GABBR2: variants seen among roughly 807,000 people sequenced by gnomAD.
GABBR2 encodes the protein gamma-aminobutyric acid type B receptor subunit 2, also known as G-protein coupled receptor 51.
GABBR2 carries 23 observed loss-of-function variants against 105.6 expected under a neutral mutation model. The ratio of observed to expected loss-of-function variants is 0.22; its 90% CI spans 0.16 to 0.31. The LOEUF (loss-of-function observed/expected upper bound fraction) is 0.31, where lower values mean the gene tolerates loss of function less well. Among genes scored for constraint, GABBR2 ranks in the 10% least tolerant of loss-of-function variants. GABBR2 has a pLI of 1.00. For synonymous variants in GABBR2, 478 were observed against 499.7 expected (o/e 0.96, Z 0.58); for missense variants, 734 against 1,245.5 (o/e 0.59, Z 6.18).
chr9:98,315,157 C>G (rs1359348991), intron 13 of GABBR2, among the ~76,000 whole-genome samples: 2 of 152,120 alleles, frequency 1.3e-5, no homozygotes, highest in Non-Finnish European at 2.9e-5. Flanking sequence ...ATCTTGAAAT[C>G]TGAATTCTTA....
chr9:98,708,193 C>T (rs1486772108), intron 1 of GABBR2, among the ~76,000 whole-genome samples: 3 of 149,536 alleles, frequency 2.0e-5, no homozygotes, highest in Non-Finnish European at 4.5e-5. Flanking sequence ...CACACACATA[C>T]ACACATAAGA....
chr9:98,438,999 G>C (rs1472014826), intron 7 of GABBR2, among the ~76,000 whole-genome samples: 1 of 152,002 alleles, frequency 6.6e-6, no homozygotes, highest in African/African-American at 2.4e-5. Flanking sequence ...AAAGCAATAA[G>C]GAGGTCACTG....
At chr9:98,686,596 A>G (rs1830623826) in intron 1 of GABBR2, among the ~76,000 whole-genome samples, 1 of 151,982 alleles carries the variant, frequency 6.6e-6, no homozygotes, top group South Asian at 2.1e-4. Flanking sequence ...GGGTTTCACC[A>G]TGTTGGCCAT....
At chr9:98,414,567 A>G (rs1832652848) in intron 7 of GABBR2, among the ~76,000 whole-genome samples, 1 of 152,202 alleles carries the variant, frequency 6.6e-6, no homozygotes, top group South Asian at 2.1e-4. Flanking sequence ...TAAGTCCTAT[A>G]GACTTAAGTA....
At chr9:98,464,544 C>T (rs1422854585) in intron 6 of GABBR2, among the ~76,000 whole-genome samples, 10 of 147,850 alleles carry the variant, frequency 6.8e-5, no homozygotes, top group East Asian at 2.1e-4. Flanking sequence ...CGCCTCTGCC[C>T]GGCCGCCCTG....
chr9:98,602,318 G>C (rs577738490), intron 1 of GABBR2, among the ~76,000 whole-genome samples: 3 of 151,648 alleles, frequency 2.0e-5, no homozygotes, highest in African/African-American at 7.3e-5. Context: ...CTAAAAATAC[G>C]AAAATCAGCT....
At position 98,605,003 on chromosome 9, in the gene GABBR2, GTCCC is replaced by G. The variant is rs1473795300; in HGVS notation, c.322-26935_322-26932del. Reference sequence around the variant, plus strand: ...AGGACCAAGAGCCAAGGCTGACGTGGTCCCTGCCCTCCTGGTCTCCCACCCACAT... The same window carrying G: ...AGGACCAAGAGCCAAGGCTGACGTGGTGCCCTCCTGGTCTCCCACCCACAT... On this transcript the variant is annotated intron_variant, in intron 1 of 18. Coordinates refer to ENST00000259455, the MANE Select transcript of GABBR2 (RefSeq NM_005458.8). 2.6e-5 allele frequency among the ~76,000 whole-genome samples: 4 copies of G among 152,168 alleles called. No homozygotes were observed. In the East Asian group the frequency reaches 7.7e-4, roughly 29 times the overall value.
chr9:98,308,205 T>C (rs10985811), intron 14 of GABBR2, among the ~76,000 whole-genome samples: 30,977 of 152,124 alleles, frequency 0.2, 3,556 homozygotes, highest in East Asian at 0.41. Flanking sequence ...GCCATGCTAC[T>C]GATGGGCCAC....
At chr9:98,639,143 C>T (rs1245004481) in intron 1 of GABBR2, among the ~76,000 whole-genome samples, 1 of 152,220 alleles carries the variant, frequency 6.6e-6, no homozygotes, top group Non-Finnish European at 1.5e-5. Flanking sequence ...TCCTTTCCTC[C>T]TTCCAGAAGA....
intron 13 of GABBR2, among the ~76,000 whole-genome samples, chr9:98,330,165 T>G (rs1162306505): frequency 6.6e-6 from 1 of 152,074 alleles, no homozygotes; most frequent in East Asian, 1.9e-4. Context: ...CCCAACCAAT[T>G]CTTGAACTCT....
intron 4 of GABBR2, among the ~76,000 whole-genome samples, chr9:98,486,416 G>T (rs16916419): frequency 0.028 from 4,206 of 152,284 alleles, 179 homozygotes; most frequent in African/African-American, 0.095. Flanking sequence ...GCATTTAAGA[G>T]TGCAGGACAG....
chr9:98,664,380 A>C (rs1830307010), intron 1 of GABBR2, among the ~76,000 whole-genome samples: 1 of 152,222 alleles, frequency 6.6e-6, no homozygotes, highest in Admixed American at 6.5e-5. Flanking sequence ...AAAGTCATCC[A>C]AGTAGCACCT....
At chr9:98,637,837 T>A (rs1358015440) in intron 1 of GABBR2, among the ~76,000 whole-genome samples, 1 of 152,184 alleles carries the variant, frequency 6.6e-6, no homozygotes, top group African/African-American at 2.4e-5. Context: ...GATAATAAAG[T>A]TGTGTTTGTT....
Position 98,473,261 on chromosome 9 carries a change from G to A in GABBR2, c.884C>T (p.Thr295Met), listed in dbSNP as rs200422079. The change falls in exon 6 of 19, where the codon ACG (threonine) becomes ATG (methionine). Residue 295 changes from threonine (T) to methionine (M), a missense_variant. By Grantham distance (81) the Thr-to-Met change is moderately conservative (BLOSUM62 -1). Around this residue, in one of 7 missense-constraint regions of GABBR2, gnomAD observed 370 missense variants for 648.9 expected, o/e 0.57. Coordinates refer to ENST00000259455, the MANE Select transcript of GABBR2 (RefSeq NM_005458.8). ...YEPSWWEQVH[T>M]EANSSRCLRK... ...GAGGCAGCGGGATGAGTTGGCTTCCGTGTGCACCTGCTCCCACCAAGAAGG... is the reference window on the plus strand; with the variant it reads ...GAGGCAGCGGGATGAGTTGGCTTCCATGTGCACCTGCTCCCACCAAGAAGG... 171 of 1,612,130 alleles carry A rather than the reference G, an allele frequency of 1.1e-4. No homozygotes were observed. The highest frequency in any genetic ancestry group is 4.9e-4 in the Middle Eastern group (3 of 6,084).
intron 1 of GABBR2, among the ~76,000 whole-genome samples, chr9:98,630,496 G>A (rs1246577416): frequency 1.3e-5 from 2 of 152,182 alleles, no homozygotes; most frequent in East Asian, 1.9e-4. Context: ...ACAGGAGCTT[G>A]AGCAGTGGCC....
chr9:98,563,415 C>T (rs548309214), intron 2 of GABBR2, among the ~76,000 whole-genome samples: 7 of 152,168 alleles, frequency 4.6e-5, no homozygotes, highest in Admixed American at 2.6e-4. Context: ...TTACCGGTTA[C>T]GGACGCATCC....
chr9:98,656,789 T>C (rs1830189872), intron 1 of GABBR2, among the ~76,000 whole-genome samples: 1 of 152,010 alleles, frequency 6.6e-6, no homozygotes, highest in Non-Finnish European at 1.5e-5. Context: ...AGTGAGGGTG[T>C]CCCCACAGGA....
chr9:98,640,378 A>G (rs1017264832), intron 1 of GABBR2, among the ~76,000 whole-genome samples: 1 of 152,122 alleles, frequency 6.6e-6, no homozygotes, highest in Non-Finnish European at 1.5e-5. Flanking sequence ...CTCAGCTGCT[A>G]ACTGCCAAAG....
At chr9:98,424,447 C>T (rs1229565509) in intron 7 of GABBR2, among the ~76,000 whole-genome samples, 1 of 152,124 alleles carries the variant, frequency 6.6e-6, no homozygotes, top group Non-Finnish European at 1.5e-5. Context: ...TCTCTCACCA[C>T]TCCTATTCAA....
Sources: allele counts gnomAD v4.1 joint callset (sites outside exome capture counted in the v4.1 genomes callset), GRCh38; gene constraint gnomAD v4.1.1; regional missense constraint gnomAD v4.1.1; transcripts MANE v1.5; gene names NCBI Gene and HGNC (gene_info 2026-07-23, HGNC 2026-07-21).